Variants in CGNL1 observed in about 807,000 individuals in gnomAD.
The protein encoded by CGNL1 is cingulin like 1.
Under a neutral mutation model 141.2 loss-of-function variants are expected in CGNL1, and 132 were observed. The ratio of observed to expected loss-of-function variants is 0.93; its 90% confidence interval spans 0.81 to 1.08. CGNL1 has a LOEUF of 1.08. Among genes scored for constraint, CGNL1 ranks in the 50% least tolerant of loss-of-function variants. The pLI, the probability that CGNL1 is intolerant of heterozygous loss-of-function variation, is 0.00. For missense variants in CGNL1, 1,870 were observed against 1,588.6 expected, an observed-to-expected ratio of 1.18 and a Z score of -3.01; for synonymous variants, 690 against 622.1, an observed-to-expected ratio of 1.11 and a Z score of -1.63.
Position 57,438,780 on chromosome 15 carries a change from A to G in CGNL1, c.781A>G (p.Ser261Gly), listed in dbSNP as rs1164674382. 1 of 1,614,068 alleles carries G rather than the reference A, an allele frequency of 6.2e-7. No homozygotes were observed. Among genetic ancestry groups the G allele is most frequent in the African/African-American group, 1.3e-5 (1 of 74,930 alleles). ...FTSGRPLTAHSPHAHPETKKT... is the reference protein window; with the variant it reads ...FTSGRPLTAHGPHAHPETKKT... Reference sequence around the variant, plus strand: ...TAGCGGGAGGCCCCTGACTGCCCACAGCCCACATGCCCACCCTGAAACCAA... The same window carrying G: ...TAGCGGGAGGCCCCTGACTGCCCACGGCCCACATGCCCACCCTGAAACCAA... Residue 261 changes from serine (S) to glycine (G), a missense_variant, in exon 2 of 19, where the codon AGC (serine) becomes GGC (glycine). Ser to Gly is a moderately conservative substitution (Grantham distance 56, BLOSUM62 0). Coordinates refer to ENST00000281282, the MANE Select transcript of CGNL1 (RefSeq NM_032866.5).
intron 1 of CGNL1, among the ~76,000 whole-genome samples, chr15:57,428,292 A>G (rs766480002): frequency 4.6e-5 from 7 of 152,240 alleles, no homozygotes; most frequent in African/African-American, 7.2e-5. Context: ...CTCAAGAAAG[A>G]GTGCAGGTCT....
chr15:57,451,903 T>A (rs2063326812), intron 5 of CGNL1, among the ~76,000 whole-genome samples: 1 of 152,158 alleles, frequency 6.6e-6, no homozygotes, highest in African/African-American at 2.4e-5. Context: ...ATCATAGAAA[T>A]AGCAGAATGA....
Position 57,418,951 on chromosome 15 carries a change from A to G in CGNL1, c.-15-19034A>G, listed in dbSNP as rs571860510. 8.0e-3 allele frequency among the ~76,000 whole-genome samples: 1,209 copies of G among 150,570 alleles called. 8 individuals carry two copies. The highest frequency in any genetic ancestry group is 0.051 in the Middle Eastern group (15 of 292). On this transcript the variant is annotated intron_variant, in intron 1 of 18. Transcript: ENST00000281282. ...CTGGTGCCTTTTTTTTTTTTGAGACAGAGTCTTGCTCTGTCGCTCAGGCTG... is the reference window on the plus strand; with the variant it reads ...CTGGTGCCTTTTTTTTTTTTGAGACGGAGTCTTGCTCTGTCGCTCAGGCTG...
chr15:57,477,829 A>C (rs186683102), intron 8 of CGNL1, among the ~76,000 whole-genome samples: 5 of 152,182 alleles, frequency 3.3e-5, no homozygotes, highest in Admixed American at 2.0e-4. Context: ...GTGACCCTTC[A>C]GGCCAGAAGC....
At chr15:57,506,619 G>A (rs2064107007) in intron 8 of CGNL1, among the ~76,000 whole-genome samples, 1 of 152,152 alleles carries the variant, frequency 6.6e-6, no homozygotes, top group Non-Finnish European at 1.5e-5. Context: ...TGGCTCTGGG[G>A]AATTTTCCCT....
chr15:57,525,492 A>G (rs1439176511), intron 12 of CGNL1, among the ~76,000 whole-genome samples: 4 of 152,224 alleles, frequency 2.6e-5, no homozygotes, highest in Admixed American at 2.6e-4. Context: ...TACCTCTTTA[A>G]AAATATACCA....
chr15:57,493,834 A>G (rs1222493431), intron 8 of CGNL1, among the ~76,000 whole-genome samples: 2 of 152,252 alleles, frequency 1.3e-5, no homozygotes, highest in Non-Finnish European at 2.9e-5. Flanking sequence ...ACTTTCCACA[A>G]TCAGAGGTTT....
chr15:57,525,671 T>C (rs1856462110), intron 12 of CGNL1, among the ~76,000 whole-genome samples: 1 of 152,154 alleles, frequency 6.6e-6, no homozygotes, highest in Non-Finnish European at 1.5e-5. Context: ...ATTTTTTTCT[T>C]TAAAAAACAA....
intron 8 of CGNL1, among the ~76,000 whole-genome samples, chr15:57,486,740 G>A (rs1046185773): frequency 2.0e-5 from 3 of 152,198 alleles, no homozygotes; most frequent in African/African-American, 4.8e-5. Flanking sequence ...GAATCTGACC[G>A]TGTTGAGTTT....
chr15:57,502,284 C>T (rs1270493958), intron 8 of CGNL1, among the ~76,000 whole-genome samples: 4 of 152,154 alleles, frequency 2.6e-5, no homozygotes, highest in African/African-American at 9.7e-5. Flanking sequence ...GGAATGCAGA[C>T]ATCAGCTCAG....
At chr15:57,395,900 A>C (rs1377851727) in intron 1 of CGNL1, among the ~76,000 whole-genome samples, 1 of 152,214 alleles carries the variant, frequency 6.6e-6, no homozygotes, top group Admixed American at 6.5e-5. Context: ...AATGTACAGA[A>C]TCTTCTAGAA....
intron 7 of CGNL1, among the ~76,000 whole-genome samples, chr15:57,458,842 G>A (rs1334303472): frequency 2.0e-5 from 3 of 152,196 alleles, no homozygotes; most frequent in Non-Finnish European, 4.4e-5. Context: ...AAGAGCCAGA[G>A]CCGGCCTCGT....
chr15:57,453,599 A>G, intron 6 of CGNL1, 84 bp from the exon 7 acceptor site: 1 of 1,548,730 alleles, frequency 6.5e-7, no homozygotes, highest in South Asian at 1.2e-5. Context: ...AGACTTGTGT[A>G]ACCCTCTGAA....
Position 57,544,486 on chromosome 15 carries a change from A to G in CGNL1, c.3389A>G (p.Lys1130Arg). The change falls in exon 16 of 19, where the codon AAG (lysine) becomes AGG (arginine). Residue 1130 changes from lysine to arginine, a missense_variant. Physicochemically the swap from Lys to Arg is conservative, Grantham distance 26. Transcript: ENST00000281282. ...ISLERQNKDL[K>R]SRIIHLEGSY... ...GTGTTGTTCCAGAACAAGGACTTAA[A>G]GAGCCGGATTATCCACCTGGAAGGT... is the stretch of plus-strand genomic sequence containing the variant. The G allele has an allele frequency of 6.2e-7, 1 of 1,614,098 alleles. No individual in the cohort carries two copies. The highest frequency in any genetic ancestry group is 8.5e-7 in the Non-Finnish European group (1 of 1,179,992).
intron 3 of CGNL1, among the ~76,000 whole-genome samples, 191 bp from the exon 4 acceptor site, chr15:57,442,182 G>GAAAA (rs61564944): frequency 0.017 from 1,641 of 96,460 alleles, 167 homozygotes; most frequent in African/African-American, 0.068. Flanking sequence ...TCATTTATTT[G>GAAAA]AAAAAAAAAA....
intron 1 of CGNL1, among the ~76,000 whole-genome samples, chr15:57,431,730 G>A (rs2063047413): frequency 1.9e-5 from 2 of 105,374 alleles, no homozygotes; most frequent in Non-Finnish European, 4.5e-5. Context: ...AGTTTTTTTT[G>A]TAATTTTTTT....
rs1361004519 is a variant in CGNL1 at position 57,549,791 on chromosome 15, T to C, written c.*2301T>C. On this transcript the variant is annotated 3_prime_UTR_variant, in exon 19 of 19. Coordinates refer to ENST00000281282, the MANE Select transcript of CGNL1 (RefSeq NM_032866.5). ...CTGTACTCAGCCCTCTGTCTGTCCT[T>C]CTGAGGACGCAACAAGCCTGGTTCC... 6.6e-6 allele frequency: 1 copy of C among 152,134 alleles called. No homozygotes were observed. Among genetic ancestry groups the C allele is most frequent in the Non-Finnish European group, 1.5e-5 (1 of 68,032 alleles). 9.4% of individuals were successfully genotyped at this position (152,134 alleles called of 1,614,324 possible). A position where few individuals can be genotyped will look rare whatever the true frequency, so the allele number is the denominator to read the frequency against.
chr15:57,444,769 A>G (rs1307916316), intron 4 of CGNL1, among the ~76,000 whole-genome samples: 1 of 152,224 alleles, frequency 6.6e-6, no homozygotes, highest in Non-Finnish European at 1.5e-5. Flanking sequence ...ACACAGAGCC[A>G]GGATGGGCTG....
At chr15:57,403,583 G>A (rs1201478240) in intron 1 of CGNL1, among the ~76,000 whole-genome samples, 2 of 152,180 alleles carry the variant, frequency 1.3e-5, no homozygotes, top group East Asian at 1.9e-4. Context: ...AGGCTGACCC[G>A]CAGCCCTTTG....
Sources: allele counts gnomAD v4.1 joint callset (sites outside exome capture counted in the v4.1 genomes callset), GRCh38; gene constraint gnomAD v4.1.1; transcripts MANE v1.5; gene names NCBI Gene and HGNC (gene_info 2026-07-23, HGNC 2026-07-21).